The following WDR25 variants were observed in gnomAD, a reference collection of about 807,000 sequenced individuals.
WDR25 encodes the protein WD repeat-containing protein 25.
A neutral mutation model predicts 47.7 loss-of-function variants in WDR25; 35 were observed. The ratio of observed to expected loss-of-function variants is 0.73; its 90% CI spans 0.56 to 0.97. The LOEUF (loss-of-function observed/expected upper bound fraction) is 0.97, where lower values mean the gene tolerates loss of function less well. Ranked by LOEUF, WDR25 falls within the 50% of genes least tolerant of loss-of-function variation. WDR25 has a pLI of 0.00. For synonymous variants in WDR25, 248 were observed against 278.9 expected (o/e 0.89, Z 1.10); for missense variants, 634 against 704.7 (o/e 0.90, Z 1.14).
chr14:100,525,735 C>T lies in WDR25; in HGVS notation c.1102-135C>T. 1.0e-6 allele frequency: 1 copy of T among 988,734 alleles called. No homozygotes were observed. Among genetic ancestry groups the T allele is most frequent in the African/African-American group, 1.6e-5 (1 of 61,100 alleles). The allele number at this position is 988,734 out of a possible 1,614,324, so 61.2% of individuals were successfully genotyped here. ...TGATTCCATATATGGCTTGTGGGTG[C>T]TGCTCAGCCTGGGTGTGTGTGGCCC... On this transcript the variant is annotated intron_variant, in intron 4 of 6. Transcript: ENST00000402312. This position sits in a 1 kb window ranked among gnomAD's most constrained non-coding sequence, Gnocchi z 4.6.
rs1362212743 is a variant in WDR25 at position 100,498,826 on chromosome 14, A to G, written c.1101+14702A>G. ...TGGAATGGTTTCTACTCGAAGGGGT[A>G]TCTTTCTCTAATAGGAACCAAGGTG... On this transcript the variant is annotated intron_variant, in intron 4 of 6. Transcript: ENST00000402312. The surrounding 1 kb of genome is among the most constrained non-coding windows in gnomAD (Gnocchi z 4.2). 6.6e-6 allele frequency among the ~76,000 whole-genome samples: 1 copy of G among 152,202 alleles called. No homozygotes were observed. The highest frequency in any genetic ancestry group is 1.5e-5 in the Non-Finnish European group (1 of 68,040).
At chr14:100,437,863 C>T (rs868027473) in intron 2 of WDR25, among the ~76,000 whole-genome samples, 7 of 152,122 alleles carry the variant, frequency 4.6e-5, no homozygotes, top group Non-Finnish European at 8.8e-5. Flanking sequence ...GAGCTGACCA[C>T]CAAGGATGCT....
chr14:100,444,767 C>T (rs1031795368), intron 2 of WDR25, among the ~76,000 whole-genome samples: 1 of 152,254 alleles, frequency 6.6e-6, no homozygotes, highest in African/African-American at 2.4e-5. Flanking sequence ...GTCCTCCTCA[C>T]GTCCTTAGGG....
intron 2 of WDR25, among the ~76,000 whole-genome samples, chr14:100,465,843 G>GT (rs1215428133): frequency 6.6e-6 from 1 of 152,234 alleles, no homozygotes; most frequent in African/African-American, 2.4e-5. Context: ...AAGGGTTCCA[G>GT]TTTTTCCACA....
chr14:100,377,839 A>G (rs1240858721), intron 1 of WDR25, among the ~76,000 whole-genome samples: 1 of 152,138 alleles, frequency 6.6e-6, no homozygotes, highest in Non-Finnish European at 1.5e-5. Context: ...AGAAGAAGAG[A>G]TGGGTAATAG....
At position 100,453,736 on chromosome 14, in the gene WDR25, C is replaced by A. The variant is rs74662865; in HGVS notation, c.823-14285C>A. Among the ~76,000 whole-genome samples the A allele has an allele frequency of 4.9e-3, 750 of 152,256 alleles. 27 individuals are homozygous for A. The East Asian group carries it at 0.074, about 15-fold the overall frequency. On this transcript the variant is annotated intron_variant, in intron 2 of 6. Coordinates refer to ENST00000402312, the MANE Select transcript of WDR25 (RefSeq NM_001161476.3). ...TTCCCACTCTGCGAAGTGGGTGTAGCTGATGGCCCCCAGAAGCCCCAGCCT... is the reference window on the plus strand; with the variant it reads ...TTCCCACTCTGCGAAGTGGGTGTAGATGATGGCCCCCAGAAGCCCCAGCCT...
Position 100,416,965 on chromosome 14 carries a change from G to C in WDR25, c.822+35219G>C, listed in dbSNP as rs576810522. On this transcript the variant is annotated intron_variant, in intron 2 of 6. Transcript: ENST00000402312. ...ACCCTCACAAACCTTGGTCTGGAAG[G>C]CCCATCTTAGCCCAGGGGTGAGATC... 5.3e-5 allele frequency among the ~76,000 whole-genome samples: 8 copies of C among 152,346 alleles called. No homozygotes were observed. In the East Asian group the frequency reaches 1.5e-3, roughly 29 times the overall value.
rs776405561 is a variant in WDR25 at position 100,529,234 on chromosome 14, G to A, written c.1413+26G>A. 3.9e-5 allele frequency: 63 copies of A among 1,612,148 alleles called. No individual in the cohort carries two copies. Among genetic ancestry groups the A allele is most frequent in the Non-Finnish European group, 5.2e-5 (61 of 1,179,592 alleles). ...GTACTTCTGTCCTTGTCCCCCAGGC[G>A]AATGCTGAGCCCCAGCCCCAAGCCT... is the stretch of plus-strand genomic sequence containing the variant. On this transcript the variant is annotated intron_variant, in intron 6 of 6. Transcript: ENST00000402312. This position sits in a 1 kb window ranked among gnomAD's most constrained non-coding sequence, Gnocchi z 5.1.
At chr14:100,473,981 T>G (rs899670732) in intron 3 of WDR25, among the ~76,000 whole-genome samples, 1 of 152,172 alleles carries the variant, frequency 6.6e-6, no homozygotes, top group African/African-American at 2.4e-5. Context: ...ATGTACATGC[T>G]CCTTGAGTCC....
chr14:100,381,043 C>A lies in WDR25; in HGVS notation c.119C>A (p.Ser40Tyr). The change falls in exon 2 of 7, where the codon TCT becomes TAT. Residue 40 changes from serine (S) to tyrosine (Y), a missense_variant. Coordinates refer to ENST00000402312, the MANE Select transcript of WDR25 (RefSeq NM_001161476.3). ...GCTACCGGCCAGCAGAAAGACACTT[C>A]TGGTGTGGCCAGACCACCTGGGCAG... ...FNATGQQKDT[S>Y]GVARPPGQDF... The A allele has an allele frequency of 6.2e-7, 1 of 1,614,252 alleles. No individual in the cohort carries two copies. The highest frequency in any genetic ancestry group is 8.5e-7 in the Non-Finnish European group (1 of 1,180,046).
chr14:100,382,424 G>A (rs1047785740), intron 2 of WDR25, among the ~76,000 whole-genome samples: 4 of 152,196 alleles, frequency 2.6e-5, no homozygotes, highest in African/African-American at 4.8e-5. Flanking sequence ...GGGCCTGGGA[G>A]CTGGCTTCAA....
chr14:100,493,238 A>C lies in WDR25; in HGVS notation c.1101+9114A>C, dbSNP rs1900622000. Among the ~76,000 whole-genome samples, 2 of 152,128 alleles carry C rather than the reference A, an allele frequency of 1.3e-5. 1 individual carries two copies. Among genetic ancestry groups the C allele is most frequent in the South Asian group, 4.1e-4 (2 of 4,834 alleles). On this transcript the variant is annotated intron_variant, in intron 4 of 6. Coordinates refer to ENST00000402312, the MANE Select transcript of WDR25 (RefSeq NM_001161476.3). ...GCAGCCACAGCAGTCGGTTGAGAACATTTTCCTCACCCCAAAAAGAAACCA... is the reference window on the plus strand; with the variant it reads ...GCAGCCACAGCAGTCGGTTGAGAACCTTTTCCTCACCCCAAAAAGAAACCA...
At chr14:100,454,094 G>A (rs1899124729) in intron 2 of WDR25, among the ~76,000 whole-genome samples, 1 of 152,194 alleles carries the variant, frequency 6.6e-6, no homozygotes, top group Admixed American at 6.5e-5. Context: ...GCAAATGTGA[G>A]CCCTTTGTAA....
In WDR25 at chr14:100,428,841, G is replaced by A. The variant is rs986548106; in HGVS notation, c.823-39180G>A. 6.6e-6 allele frequency among the ~76,000 whole-genome samples: 1 copy of A among 152,052 alleles called. No homozygotes were observed. Among genetic ancestry groups the A allele is most frequent in the Non-Finnish European group, 1.5e-5 (1 of 68,014 alleles). ...CATATGAATTAATTTCATGAAATTG[G>A]TTTGTTTTTCTTCTTCCATTTCATG... On this transcript the variant is annotated intron_variant, in intron 2 of 6. Coordinates refer to ENST00000402312, the MANE Select transcript of WDR25 (RefSeq NM_001161476.3). This position sits in a 1 kb window ranked among gnomAD's most constrained non-coding sequence, Gnocchi z 4.3.
At chr14:100,401,660 T>C (rs1037178430) in intron 2 of WDR25, among the ~76,000 whole-genome samples, 1 of 152,228 alleles carries the variant, frequency 6.6e-6, no homozygotes. Flanking sequence ...TTTTTGGGCT[T>C]CTTTTTACTT....
intron 2 of WDR25, among the ~76,000 whole-genome samples, chr14:100,450,361 C>A (rs1898985442): frequency 6.6e-6 from 1 of 152,230 alleles, no homozygotes; most frequent in South Asian, 2.1e-4. Context: ...CAAGGTGAAT[C>A]TGTTCCACCT....
intron 2 of WDR25, among the ~76,000 whole-genome samples, chr14:100,443,760 A>G (rs1351164875): frequency 6.6e-6 from 1 of 152,180 alleles, no homozygotes; most frequent in Admixed American, 6.5e-5. Context: ...TCTTTCATTA[A>G]TTGGGAGCGC....
intron 4 of WDR25, among the ~76,000 whole-genome samples, chr14:100,486,247 G>GT (rs1555394349): frequency 7.9e-5 from 12 of 152,198 alleles, no homozygotes; most frequent in Non-Finnish European, 2.9e-5. Flanking sequence ...GACCAAACAC[G>GT]TAAGAAATTA....
intron 2 of WDR25, among the ~76,000 whole-genome samples, chr14:100,414,511 C>T (rs1201421549): frequency 6.6e-6 from 1 of 151,686 alleles, no homozygotes; most frequent in Non-Finnish European, 1.5e-5. Context: ...TAGGGTTTCC[C>T]CATGTTGGCC....
Sources: allele counts gnomAD v4.1 joint callset (sites outside exome capture counted in the v4.1 genomes callset), GRCh38; gene constraint gnomAD v4.1.1; non-coding constraint Gnocchi (gnomAD v3.1); transcripts MANE v1.5; gene names NCBI Gene and HGNC (gene_info 2026-07-23, HGNC 2026-07-21).